The following PYHIN1 variants were observed in gnomAD, a reference collection of about 807,000 sequenced individuals.
The protein encoded by PYHIN1 is pyrin and HIN domain-containing protein 1.
PYHIN1 carries 32 observed loss-of-function variants against 43.7 expected under a neutral mutation model. The observed-to-expected ratio is 0.73, with a 90% CI of 0.55 to 0.98. PYHIN1 has a LOEUF of 0.98. PYHIN1 is among the 50% of genes least tolerant of loss of function. The pLI is 0.00. For missense variants in PYHIN1, 588 were observed against 589.5 expected (o/e 1.00, Z 0.03); for synonymous variants, 205 against 203.1 (o/e 1.01, Z -0.08).
At chr1:158,964,836 G>T (rs1650534171) in intron 7 of PYHIN1, among the ~76,000 whole-genome samples, 1 of 152,132 alleles carries the variant, frequency 6.6e-6, no homozygotes, top group Non-Finnish European at 1.5e-5. Flanking sequence ...AAACAAGTCT[G>T]CATAATAATC....
chr1:158,938,604 C>G, intron 3 of PYHIN1, 62 bp downstream of exon 3: 1 of 1,550,946 alleles, frequency 6.4e-7, no homozygotes, highest in Non-Finnish European at 8.8e-7. Flanking sequence ...TGTGGCTGTT[C>G]CACTCAATCT....
chr1:158,951,881 G>C (rs554693290), intron 7 of PYHIN1, among the ~76,000 whole-genome samples: 1 of 152,180 alleles, frequency 6.6e-6, no homozygotes, highest in African/African-American at 2.4e-5. Context: ...AGAGAGTCAC[G>C]TTAGGGGTAA....
the PYHIN1 span, among the ~76,000 whole-genome samples, chr1:158,986,321 A>G: frequency 4.6e-5 from 7 of 152,116 alleles, no homozygotes; most frequent in African/African-American, 1.4e-4. Flanking sequence ...TAGCTGTGCT[A>G]TAAGTTGGGT....
At chr1:158,966,399 A>G (rs1650635067) in intron 7 of PYHIN1, among the ~76,000 whole-genome samples, 2 of 152,106 alleles carry the variant, frequency 1.3e-5, no homozygotes, top group South Asian at 2.1e-4. Context: ...TCCTGATAAC[A>G]AAAGGCAGAG....
chr1:158,983,173 T>G, the PYHIN1 span, among the ~76,000 whole-genome samples: 1 of 152,072 alleles, frequency 6.6e-6, no homozygotes, highest in Non-Finnish European at 1.5e-5. Flanking sequence ...GAACTTCCAG[T>G]GCTATGTTGA....
chr1:158,953,305 GACAA>G (rs1323414789), intron 7 of PYHIN1, among the ~76,000 whole-genome samples: 2 of 146,568 alleles, frequency 1.4e-5, no homozygotes, highest in Non-Finnish European at 3.0e-5. Flanking sequence ...GCAGGGCACA[GACAA>G]ACAAAAAGAC....
At chr1:158,937,959 AG>A (rs1648665259) in intron 2 of PYHIN1, among the ~76,000 whole-genome samples, 1 of 151,842 alleles carries the variant, frequency 6.6e-6, no homozygotes, top group Admixed American at 6.6e-5. Context: ...AAAAAAAAAA[AG>A]AAAAAAAGTC....
intron 7 of PYHIN1, among the ~76,000 whole-genome samples, chr1:158,959,866 A>T (rs917602450): frequency 1.2e-4 from 18 of 152,254 alleles, no homozygotes; most frequent in African/African-American, 4.3e-4. Context: ...TGCTATGTGC[A>T]TCAATTCTTA....
intron 7 of PYHIN1, among the ~76,000 whole-genome samples, chr1:158,959,532 G>A (rs1650202136): frequency 6.6e-6 from 1 of 152,186 alleles, no homozygotes; most frequent in African/African-American, 2.4e-5. Context: ...GAAGTAGGCT[G>A]CTTTCAGCCA....
rs1448674414 is a variant in PYHIN1 at position 158,970,596 on chromosome 1, G to A, written c.1360-3051G>A. Among the ~76,000 whole-genome samples, 3 of 152,070 alleles carry A rather than the reference G, an allele frequency of 2.0e-5. No individual in the cohort carries two copies. In the South Asian group the frequency reaches 6.2e-4, roughly 31 times the overall value. On this transcript the variant is annotated intron_variant, in intron 7 of 8. Coordinates refer to ENST00000368140, the MANE Select transcript of PYHIN1 (RefSeq NM_152501.5). ...TTGTTCAATTCACTTTTATCAATGAGATTAGACTACTAGCTTTGGTAGAAG... is the reference window on the plus strand; with the variant it reads ...TTGTTCAATTCACTTTTATCAATGAAATTAGACTACTAGCTTTGGTAGAAG...
intron 7 of PYHIN1, among the ~76,000 whole-genome samples, chr1:158,961,708 C>T (rs1650328170): frequency 6.6e-6 from 1 of 152,092 alleles, no homozygotes; most frequent in Non-Finnish European, 1.5e-5. Flanking sequence ...AGGAGATACC[C>T]CTATGAGACC....
chr1:158,985,254 A>G, the PYHIN1 span, among the ~76,000 whole-genome samples: 464 of 152,156 alleles, frequency 3.0e-3, 5 homozygotes, highest in African/African-American at 0.011. Flanking sequence ...GTGTCAGTGG[A>G]ATATTTACTT....
chr1:158,936,270 C>A (rs1648537879), intron 1 of PYHIN1, among the ~76,000 whole-genome samples: 1 of 133,844 alleles, frequency 7.5e-6, no homozygotes, highest in African/African-American at 2.8e-5. Flanking sequence ...TCCATGTGTT[C>A]TCATTGTTCA....
chr1:158,971,528 C>G (rs180683576), intron 7 of PYHIN1, among the ~76,000 whole-genome samples: 1 of 151,964 alleles, frequency 6.6e-6, no homozygotes, highest in Admixed American at 6.6e-5. Flanking sequence ...ATACCTGATG[C>G]AAATCACTGG....
rs962471079 is a variant in PYHIN1, at chr1:158,956,028, A to C, written c.1359+10986A>C. On this transcript the variant is annotated intron_variant, in intron 7 of 8. Coordinates refer to ENST00000368140, the MANE Select transcript of PYHIN1 (RefSeq NM_152501.5). ...AAGAAATGGATAAATTCCTCAACAC[A>C]TACACTCTCCCAAGAGTAAACCAGG... is the stretch of plus-strand genomic sequence containing the variant. Among the ~76,000 whole-genome samples, 33 of 146,390 alleles carry C rather than the reference A, an allele frequency of 2.3e-4. 3 individuals are homozygous for C. The highest frequency in any genetic ancestry group is 7.9e-4 in the African/African-American group (31 of 39,392).
At chr1:158,951,591 T>A (rs186841561) in intron 7 of PYHIN1, among the ~76,000 whole-genome samples, 3 of 152,240 alleles carry the variant, frequency 2.0e-5, no homozygotes, top group African/African-American at 7.2e-5. Flanking sequence ...TTTCCATGTT[T>A]ACCCAAACCA....
chr1:158,954,441 A>T (rs1443504623), intron 7 of PYHIN1, among the ~76,000 whole-genome samples: 2 of 117,444 alleles, frequency 1.7e-5, no homozygotes, highest in African/African-American at 3.1e-5. Context: ...AGTGGGGGCC[A>T]ATATTCAACA....
intron 7 of PYHIN1, among the ~76,000 whole-genome samples, chr1:158,953,602 C>T (rs953512402): frequency 2.0e-5 from 3 of 151,926 alleles, no homozygotes; most frequent in African/African-American, 7.3e-5. Flanking sequence ...CCCTTCTGTA[C>T]ATCACCATCA....
the PYHIN1 span, among the ~76,000 whole-genome samples, chr1:158,989,413 C>A: frequency 1.3e-5 from 2 of 152,188 alleles, no homozygotes; most frequent in Non-Finnish European, 2.9e-5. Context: ...CCTCACTTCT[C>A]ATACCTAAAA....
Sources: gnomAD v4.1 joint callset for allele counts (sites outside exome capture counted in the v4.1 genomes callset) on GRCh38, gnomAD v4.1.1 for gene constraint, MANE v1.5 for transcripts, NCBI Gene and HGNC (gene_info 2026-07-23, HGNC 2026-07-21) for gene names.